The following ZMAT4 variants were observed in gnomAD, a reference collection of about 807,000 sequenced individuals.
ZMAT4 encodes zinc finger matrin-type 4.
In ZMAT4, 17 loss-of-function variants were observed where a neutral mutation model predicts 28.7. The ratio of observed to expected loss-of-function variants is 0.59; its 90% CI spans 0.41 to 0.89. The LOEUF is 0.89. Ranked by LOEUF, ZMAT4 falls within the 40% of genes least tolerant of loss-of-function variation. The pLI is 0.00. For synonymous variants in ZMAT4, 117 were observed against 109.2 expected (o/e 1.07, Z -0.44); for missense variants, 240 against 283.8 (o/e 0.85, Z 1.11).
At chr8:40,891,754 A>C (rs1371903111) in intron 1 of ZMAT4, among the ~76,000 whole-genome samples, 1 of 152,140 alleles carries the variant, frequency 6.6e-6, no homozygotes, top group South Asian at 2.1e-4. Context: ...GCACAGGGAC[A>C]CCCTGGCCAG....
At chr8:40,878,736 C>T (rs1188371300) in intron 1 of ZMAT4, among the ~76,000 whole-genome samples, 1 of 152,224 alleles carries the variant, frequency 6.6e-6, no homozygotes, top group Non-Finnish European at 1.5e-5. Context: ...ACGCAAGGTG[C>T]GGCAGGTGAG....
intron 5 of ZMAT4, among the ~76,000 whole-genome samples, chr8:40,588,507 T>G (rs1804745731): frequency 6.6e-6 from 1 of 152,006 alleles, no homozygotes; most frequent in Admixed American, 6.6e-5. Context: ...AAATGACCAA[T>G]AAGCACATGA....
intron 6 of ZMAT4, among the ~76,000 whole-genome samples, chr8:40,539,019 C>T (rs945297298): frequency 2.6e-5 from 4 of 152,032 alleles, no homozygotes; most frequent in Non-Finnish European, 5.9e-5. Context: ...CTCCTGACCT[C>T]GTGATCCACC....
intron 2 of ZMAT4, among the ~76,000 whole-genome samples, chr8:40,783,513 C>T (rs1028910154): frequency 3.9e-5 from 6 of 152,078 alleles, no homozygotes; most frequent in African/African-American, 1.4e-4. Context: ...GTGATCCATG[C>T]AAAACTCCAC....
In ZMAT4 at chr8:40,601,640, G is replaced by GCAGGCAGGCAGGCAGGC. The variant is rs1563360833; in HGVS notation, c.578-20380_578-20379insGCCTGCCTGCCTGCCTG. The stretch of plus-strand genomic sequence containing the variant: ...AAAGAAAGAAAGAAAGAAAGAGAAA[G>GCAGGCAGGCAGGCAGGC]AAAGAAAGAAAGAAAGAAAGAAAGA... On this transcript the variant is annotated intron_variant, in intron 5 of 6. Coordinates refer to ENST00000297737, the MANE Select transcript of ZMAT4 (RefSeq NM_024645.3). Among the ~76,000 whole-genome samples the GCAGGCAGGCAGGCAGGC allele has an allele frequency of 2.5e-4, 6 of 23,730 alleles. 1 individual carries two copies. Among genetic ancestry groups the GCAGGCAGGCAGGCAGGC allele is most frequent in the African/African-American group, 4.8e-4 (4 of 8,324 alleles). The allele number at this position is 23,730 out of a possible 152,430, so 15.6% of individuals were successfully genotyped here.
chr8:40,700,332 A>T (rs967382984), intron 3 of ZMAT4, among the ~76,000 whole-genome samples: 5 of 150,876 alleles, frequency 3.3e-5, no homozygotes, highest in Admixed American at 3.3e-4. Flanking sequence ...GCCCTTTTGA[A>T]TCACTTCGTG....
intron 6 of ZMAT4, among the ~76,000 whole-genome samples, chr8:40,550,655 A>T (rs1803341059): frequency 6.6e-6 from 1 of 152,080 alleles, no homozygotes; most frequent in Non-Finnish European, 1.5e-5. Context: ...TGGTTTTATA[A>T]GCATCTGGCA....
intron 3 of ZMAT4, among the ~76,000 whole-genome samples, chr8:40,705,137 A>G (rs998652461): frequency 6.6e-6 from 1 of 152,198 alleles, no homozygotes; most frequent in Non-Finnish European, 1.5e-5. Flanking sequence ...AGAGTTGAAG[A>G]ATTTTGTTTG....
chr8:40,849,974 C>T lies in ZMAT4; in HGVS notation c.-4-24294G>A, dbSNP rs973069833. On this transcript the variant is annotated intron_variant, in intron 1 of 6. Coordinates refer to ENST00000297737, the MANE Select transcript of ZMAT4 (RefSeq NM_024645.3). ...CTCAGAATGGAAACCTGGGATCGCTCCTCATCCACTCCCTTTTCTTCCCAC... is the reference window on the plus strand; with the variant it reads ...CTCAGAATGGAAACCTGGGATCGCTTCTCATCCACTCCCTTTTCTTCCCAC... Among the ~76,000 whole-genome samples the T allele has an allele frequency of 1.1e-4, 16 of 152,230 alleles. No homozygotes were observed. In the South Asian group the frequency reaches 3.3e-3, roughly 32 times the overall value.
At chr8:40,846,793 A>T (rs953417064) in intron 1 of ZMAT4, among the ~76,000 whole-genome samples, 1 of 152,200 alleles carries the variant, frequency 6.6e-6, no homozygotes, top group African/African-American at 2.4e-5. Flanking sequence ...GTCCGTTCCA[A>T]TGTTTAACGG....
chr8:40,738,692 C>T (rs1301453126), intron 3 of ZMAT4, among the ~76,000 whole-genome samples: 1 of 152,110 alleles, frequency 6.6e-6, no homozygotes, highest in African/African-American at 2.4e-5. Flanking sequence ...TGTTCAGTTA[C>T]TGAGAGGAGG....
intron 3 of ZMAT4, among the ~76,000 whole-genome samples, chr8:40,745,361 T>A (rs765835571): frequency 6.6e-6 from 1 of 152,154 alleles, no homozygotes; most frequent in Non-Finnish European, 1.5e-5. Flanking sequence ...TTCGAAGGTA[T>A]TTAAAAGCAA....
At chr8:40,533,920 A>G (rs1163552147) in intron 6 of ZMAT4, among the ~76,000 whole-genome samples, 1 of 152,216 alleles carries the variant, frequency 6.6e-6, no homozygotes, top group African/African-American at 2.4e-5. Context: ...TCACTGAGCA[A>G]ATAAGTATAA....
chr8:40,775,574 G>C (rs567038377), intron 2 of ZMAT4, among the ~76,000 whole-genome samples: 1 of 152,208 alleles, frequency 6.6e-6, no homozygotes, highest in Non-Finnish European at 1.5e-5. Context: ...GCAGTGTGTT[G>C]AGGAAGAGAG....
intron 5 of ZMAT4, among the ~76,000 whole-genome samples, chr8:40,667,896 T>C (rs1444089418): frequency 6.7e-6 from 1 of 150,302 alleles, no homozygotes; most frequent in Non-Finnish European, 1.5e-5. Context: ...GTTGTTGCTA[T>C]AGCTACATCA....
chr8:40,544,205 A>C (rs1017927861), intron 6 of ZMAT4, among the ~76,000 whole-genome samples: 12 of 152,208 alleles, frequency 7.9e-5, no homozygotes, highest in African/African-American at 2.7e-4. Flanking sequence ...TGTGCTGCTT[A>C]TAGTAAACTG....
intron 4 of ZMAT4, among the ~76,000 whole-genome samples, chr8:40,683,481 G>A (rs766076592): frequency 6.6e-6 from 1 of 152,174 alleles, no homozygotes; most frequent in South Asian, 2.1e-4. Flanking sequence ...TTTGAGGAAA[G>A]CCTCATAACA....
At chr8:40,831,265 A>G (rs972191871) in intron 1 of ZMAT4, among the ~76,000 whole-genome samples, 12 of 152,192 alleles carry the variant, frequency 7.9e-5, no homozygotes, top group South Asian at 2.1e-4. Flanking sequence ...CTGCATAAAC[A>G]TTTAAAAATC....
intron 2 of ZMAT4, among the ~76,000 whole-genome samples, chr8:40,770,502 TTCCC>T (rs1010262948): frequency 6.8e-6 from 1 of 146,908 alleles, no homozygotes; most frequent in African/African-American, 2.5e-5. Context: ...CCCTCCCTCC[TTCCC>T]TCCCTCCCTC....
Sources: gnomAD v4.1 joint callset for allele counts (sites outside exome capture counted in the v4.1 genomes callset) on GRCh38, gnomAD v4.1.1 for gene constraint, MANE v1.5 for transcripts, NCBI Gene and HGNC (gene_info 2026-07-23, HGNC 2026-07-21) for gene names.